SEMA6A: variants seen among roughly 807,000 people sequenced by gnomAD.
The protein encoded by SEMA6A is semaphorin 6A.
SEMA6A carries 25 observed loss-of-function variants against 96.8 expected under a neutral mutation model. That is an observed-to-expected ratio of 0.26 (90% confidence interval 0.19 to 0.36). SEMA6A has a LOEUF of 0.36. Ranked by LOEUF, SEMA6A falls within the 10% of genes least tolerant of loss-of-function variation. The pLI is 1.00. For synonymous variants in SEMA6A, 612 were observed against 518.0 expected (o/e 1.18, Z -2.46); for missense variants, 1,363 against 1,323.1 (o/e 1.03, Z -0.47).
chr5:116,496,342 G>A (rs761756442), intron 4 of SEMA6A, 29 bp from the exon 5 acceptor site: 6 of 1,600,186 alleles, frequency 3.7e-6, no homozygotes, highest in Non-Finnish European at 5.1e-6. Context: ...AAATCAATTA[G>A]AGCCCAGAGG....
chr5:116,537,761 G>A (rs1759783107), intron 1 of SEMA6A, among the ~76,000 whole-genome samples: 1 of 152,160 alleles, frequency 6.6e-6, no homozygotes, highest in South Asian at 2.1e-4. Flanking sequence ...AGAGAGAAAA[G>A]AAACAGGAAA....
chr5:116,484,066 GAAAAAAAA>G lies in SEMA6A; in HGVS notation c.963-1499_963-1492del, dbSNP rs542325007. ...GCGACAGAGTGAGACTCTGTCTGAA[GAAAAAAAA>G]AAAAAAAAAAAAGACAGTGATTCTC... is the stretch of plus-strand genomic sequence containing the variant. On this transcript the variant is annotated intron_variant, in intron 10 of 18. Transcript: ENST00000343348. Among the ~76,000 whole-genome samples the G allele has an allele frequency of 8.0e-5, 8 of 99,912 alleles. No homozygotes were observed. The East Asian group carries it at 2.0e-3, about 25-fold the overall frequency. The allele number at this position is 99,912 out of a possible 152,430, so 65.5% of individuals were successfully genotyped here.
intron 1 of SEMA6A, among the ~76,000 whole-genome samples, chr5:116,552,261 G>A (rs1760447266): frequency 6.7e-6 from 1 of 149,924 alleles, no homozygotes; most frequent in African/African-American, 2.5e-5. Context: ...TTTTTTTTCA[G>A]TATGTTTTAG....
At chr5:116,520,082 G>A (rs2112812895) in intron 1 of SEMA6A, among the ~76,000 whole-genome samples, 1 of 152,164 alleles carries the variant, frequency 6.6e-6, no homozygotes. Flanking sequence ...ACCCCATCAT[G>A]TTCCATTCCC....
intron 1 of SEMA6A, among the ~76,000 whole-genome samples, chr5:116,563,668 T>G (rs894946572): frequency 6.6e-6 from 1 of 152,122 alleles, no homozygotes; most frequent in Non-Finnish European, 1.5e-5. Context: ...CACCCAAGAG[T>G]AATCACAATC....
chr5:116,502,449 T>C, intron 2 of SEMA6A, 122 bp from the exon 3 acceptor site: 1 of 728,318 alleles, frequency 1.4e-6, no homozygotes. Flanking sequence ...CATGCCACCA[T>C]TTTCCATTTC....
intron 1 of SEMA6A, among the ~76,000 whole-genome samples, chr5:116,517,772 C>T (rs1758737513): frequency 6.6e-6 from 1 of 152,180 alleles, no homozygotes; most frequent in South Asian, 2.1e-4. Context: ...CTCAGCAACC[C>T]CTCCACCTGA....
At chr5:116,455,772 G>GTGTT (rs372823733) in intron 18 of SEMA6A, among the ~76,000 whole-genome samples, 186 of 152,244 alleles carry the variant, frequency 1.2e-3, no homozygotes, top group African/African-American at 4.4e-3. Context: ...ATGAGACTGG[G>GTGTT]TGTTACTGGT....
At chr5:116,475,172 A>G (rs182689314) in intron 16 of SEMA6A, among the ~76,000 whole-genome samples, 401 of 152,346 alleles carry the variant, frequency 2.6e-3, no homozygotes, top group Non-Finnish European at 4.6e-3. Flanking sequence ...CTAGAGTACA[A>G]TGATCAATCT....
intron 10 of SEMA6A, among the ~76,000 whole-genome samples, chr5:116,484,631 AAAAAT>A (rs1756952802): frequency 3.4e-5 from 5 of 148,290 alleles, no homozygotes; most frequent in African/African-American, 4.9e-5. Flanking sequence ...TCAGGAAAAA[AAAAAT>A]AATAATAATA....
rs1291202372 is a variant in SEMA6A at position 116,480,097 on chromosome 5, A to G, written c.1250+25T>C. ...ATGAGATGAAGTTAGGAAATCCATCAGGACACGGTTTGTTTGACACCCACC... is the reference window on the plus strand; with the variant it reads ...ATGAGATGAAGTTAGGAAATCCATCGGGACACGGTTTGTTTGACACCCACC... On this transcript the variant is annotated intron_variant, in intron 12 of 18. Coordinates refer to ENST00000343348, the MANE Select transcript of SEMA6A (RefSeq NM_020796.5). 5 of 1,610,662 alleles carry G rather than the reference A, an allele frequency of 3.1e-6. No homozygotes were observed. In the South Asian group the frequency reaches 3.3e-5, roughly 11 times the overall value.
At chr5:116,543,456 A>AAAAAGT (rs1350747539) in intron 1 of SEMA6A, among the ~76,000 whole-genome samples, 2 of 152,242 alleles carry the variant, frequency 1.3e-5, no homozygotes, top group Non-Finnish European at 2.9e-5. Context: ...TTCTTAGAAT[A>AAAAAGT]ATTCTCACTA....
At chr5:116,490,183 A>G (rs1757263741) in intron 7 of SEMA6A, among the ~76,000 whole-genome samples, 1 of 152,228 alleles carries the variant, frequency 6.6e-6, no homozygotes, top group African/African-American at 2.4e-5. Context: ...ATTAACAGCT[A>G]TATATCAATA....
Position 116,505,081 on chromosome 5 carries a change from T to C in SEMA6A, c.-38-99A>G, listed in dbSNP as rs1335088317. 8.2e-6 allele frequency: 5 copies of C among 613,364 alleles called. No individual in the cohort carries two copies. In the Admixed American group the frequency reaches 1.2e-4, roughly 14 times the overall value. The allele number at this position is 613,364 out of a possible 1,614,324, so 38.0% of individuals were successfully genotyped here. A position where few individuals can be genotyped will look rare whatever the true frequency, so the allele number is the denominator to read the frequency against. ...GATAAATTCGAGAGAAAAAAAGGCT[T>C]CTGCTTTACATCTTCTACATGGTAA... is the stretch of plus-strand genomic sequence containing the variant. On this transcript the variant is annotated intron_variant, in intron 1 of 18. Transcript: ENST00000343348.
At chr5:116,473,306 A>G (rs554640291) in intron 16 of SEMA6A, among the ~76,000 whole-genome samples, 1 of 152,362 alleles carries the variant, frequency 6.6e-6, no homozygotes, top group South Asian at 2.1e-4. Flanking sequence ...AATTTCCTCC[A>G]AGTCACTGCC....
At position 116,446,736 on chromosome 5, in the gene SEMA6A, G is replaced by A. The variant is rs150657301; in HGVS notation, c.2970C>T (p.Asn990=). ...AVTVSRQPSL[N]AYNSLTRSGL... Reference sequence around the variant, plus strand: ...CCGACCTTGTCAGTGAGTTGTAGGCGTTGAGGCTGGGCTGCCTCGAGACAG... The same window carrying A: ...CCGACCTTGTCAGTGAGTTGTAGGCATTGAGGCTGGGCTGCCTCGAGACAG... The change falls in exon 19 of 19, where the codon AAC becomes AAT. Residue 990 remains asparagine, a synonymous_variant. Coordinates refer to ENST00000343348, the MANE Select transcript of SEMA6A (RefSeq NM_020796.5). 308 of 1,604,122 alleles carry A rather than the reference G, an allele frequency of 1.9e-4. 1 individual carries two copies. The highest frequency in any genetic ancestry group is 2.4e-4 in the Non-Finnish European group (286 of 1,174,892).
At chr5:116,496,908 A>T (rs1757630569) in intron 4 of SEMA6A, among the ~76,000 whole-genome samples, 1 of 152,206 alleles carries the variant, frequency 6.6e-6, no homozygotes, top group Admixed American at 6.5e-5. Flanking sequence ...GTCTGTCTGA[A>T]ATGGGTAACG....
At chr5:116,522,027 C>T (rs1374698577) in intron 1 of SEMA6A, among the ~76,000 whole-genome samples, 2 of 152,044 alleles carry the variant, frequency 1.3e-5, no homozygotes, top group South Asian at 4.1e-4. Flanking sequence ...GCATTCAGTA[C>T]CCCAGTGATT....
chr5:116,469,854 A>C (rs1186644800), intron 17 of SEMA6A, among the ~76,000 whole-genome samples: 1 of 152,214 alleles, frequency 6.6e-6, no homozygotes, highest in African/African-American at 2.4e-5. Context: ...ATTAATGTGG[A>C]CCAGATGGTA....
Sources: gnomAD v4.1 joint callset for allele counts (sites outside exome capture counted in the v4.1 genomes callset) on GRCh38, gnomAD v4.1.1 for gene constraint, MANE v1.5 for transcripts, NCBI Gene and HGNC (gene_info 2026-07-23, HGNC 2026-07-21) for gene names.